The following GPR139 variants were observed in gnomAD, a reference collection of about 807,000 sequenced individuals.
GPR139 encodes probable G protein-coupled receptor 139.
A neutral mutation model predicts 25.8 loss-of-function variants in GPR139; 12 were observed. The observed-to-expected ratio is 0.47, with a 90% CI of 0.30 to 0.75. The LOEUF is 0.75. Ranked by LOEUF, GPR139 falls within the 30% of genes least tolerant of loss-of-function variation. The pLI, the probability that GPR139 is intolerant of heterozygous loss-of-function variation, is 0.07. For synonymous variants in GPR139, 184 were observed against 179.9 expected (o/e 1.02, Z -0.18); for missense variants, 380 against 450.2 (o/e 0.84, Z 1.41).
At chr16:20,064,762 T>C (rs954244455) in intron 1 of GPR139, among the ~76,000 whole-genome samples, 2 of 152,136 alleles carry the variant, frequency 1.3e-5, no homozygotes, top group African/African-American at 2.4e-5. Context: ...CAGAGCCCCA[T>C]TAACAGGAAA....
intron 1 of GPR139, among the ~76,000 whole-genome samples, chr16:20,072,865 C>T (rs2057464633): frequency 6.6e-6 from 1 of 152,206 alleles, no homozygotes; most frequent in African/African-American, 2.4e-5. Context: ...TGTGTCTCTG[C>T]ACCCTTGCCC....
intron 1 of GPR139, among the ~76,000 whole-genome samples, chr16:20,048,781 A>G (rs1038533094): frequency 6.6e-6 from 1 of 152,150 alleles, no homozygotes; most frequent in South Asian, 2.1e-4. Flanking sequence ...CTGCTTTACC[A>G]GCCAACATCC....
chr16:20,046,735 G>C (rs1365911304), intron 1 of GPR139, among the ~76,000 whole-genome samples: 2 of 152,254 alleles, frequency 1.3e-5, no homozygotes, highest in East Asian at 3.9e-4. Context: ...GAATGGTAGG[G>C]ACTGTGAGTA....
At position 20,031,566 on chromosome 16, in the gene GPR139, C is replaced by T; in HGVS notation, c.*169G>A. ...TAAGTAAAAACAAGCTTCATGCTCT[C>T]CTTTCTTCTCTTCCATCTCTTCTCA... On this transcript the variant is annotated 3_prime_UTR_variant, in exon 2 of 2. Coordinates refer to ENST00000570682, the MANE Select transcript of GPR139 (RefSeq NM_001002911.4). 1 of 621,828 alleles carries T rather than the reference C, an allele frequency of 1.6e-6. No homozygotes were observed. The highest frequency in any genetic ancestry group is 2.9e-6 in the Non-Finnish European group (1 of 347,994). The allele number at this position is 621,828 out of a possible 1,614,324, so 38.5% of individuals were successfully genotyped here.
At chr16:20,065,315 G>T (rs1242070385) in intron 1 of GPR139, among the ~76,000 whole-genome samples, 1 of 152,186 alleles carries the variant, frequency 6.6e-6, no homozygotes, top group Admixed American at 6.5e-5. Flanking sequence ...TAAACCACTG[G>T]CTGGAAAGCT....
intron 1 of GPR139, among the ~76,000 whole-genome samples, chr16:20,059,651 C>T (rs923420385): frequency 1.2e-4 from 18 of 152,208 alleles, no homozygotes; most frequent in African/African-American, 4.3e-4. Flanking sequence ...TGTCTCCTTG[C>T]TCATGCAGGG....
intron 1 of GPR139, among the ~76,000 whole-genome samples, 178 bp from the exon 2 acceptor site, chr16:20,032,847 A>G (rs1307064300): frequency 3.3e-5 from 5 of 152,252 alleles, no homozygotes; most frequent in Admixed American, 2.6e-4. Context: ...AGTGGATACT[A>G]TTTTAAAGTT....
At chr16:20,065,980 G>A (rs980946681) in intron 1 of GPR139, among the ~76,000 whole-genome samples, 1 of 152,022 alleles carries the variant, frequency 6.6e-6, no homozygotes, top group Admixed American at 6.6e-5. Context: ...ATTATTAAGA[G>A]AAATAGTTTG....
At chr16:20,036,695 T>C (rs1165990491) in intron 1 of GPR139, among the ~76,000 whole-genome samples, 1 of 152,176 alleles carries the variant, frequency 6.6e-6, no homozygotes, top group Non-Finnish European at 1.5e-5. Context: ...CCTCCTATGA[T>C]ACATGGGGAT....
rs116132511 is a variant in GPR139, at chr16:20,045,050, A to G, written c.128-12381T>C. ...AGTCTTGCTCTGTCGCTCAGGCTGG[A>G]GAGCAGTGGTGCAATCGCGGCTCGC... On this transcript the variant is annotated intron_variant, in intron 1 of 1. Coordinates refer to ENST00000570682, the MANE Select transcript of GPR139 (RefSeq NM_001002911.4). 4.1e-3 allele frequency among the ~76,000 whole-genome samples: 568 copies of G among 138,178 alleles called. 3 individuals carry two copies. The highest frequency in any genetic ancestry group is 0.015 in the African/African-American group (538 of 36,130). 90.7% of individuals were successfully genotyped at this position (138,178 alleles called of 152,430 possible). A position where few individuals can be genotyped will look rare whatever the true frequency, so the allele number is the denominator to read the frequency against.
intron 1 of GPR139, among the ~76,000 whole-genome samples, chr16:20,050,376 T>C (rs2057367833): frequency 6.6e-6 from 1 of 152,136 alleles, no homozygotes; most frequent in East Asian, 1.9e-4. Flanking sequence ...ACCGACTGCT[T>C]GTGGGGTGCA....
chr16:20,053,387 A>G (rs2057378883), intron 1 of GPR139, among the ~76,000 whole-genome samples: 5 of 152,104 alleles, frequency 3.3e-5, no homozygotes, highest in Admixed American at 3.3e-4. Flanking sequence ...CTGCCTGCCC[A>G]GGGTTTCCTT....
At chr16:20,036,334 C>T (rs1455256966) in intron 1 of GPR139, among the ~76,000 whole-genome samples, 1 of 152,190 alleles carries the variant, frequency 6.6e-6, no homozygotes, top group African/African-American at 2.4e-5. Context: ...GCTGTTATTA[C>T]CACCTTGACT....
In GPR139 at chr16:20,041,230, GGAGAGGAGAGGAGAGGAGAGGGAA is replaced by G. The variant is rs1567236025; in HGVS notation, c.128-8585_128-8562del. Reference sequence around the variant, plus strand: ...GGAGAGGAGAGGAGAGGAGAGGAGAGGAGAGGAGAGGAGAGGAGAGGGAAGGAGAAAAGAAAAGCATCTCTCTCT... The same window carrying G: ...GGAGAGGAGAGGAGAGGAGAGGAGAGGGAGAAAAGAAAAGCATCTCTCTCT... On this transcript the variant is annotated intron_variant, in intron 1 of 1. Transcript: ENST00000570682. Among the ~76,000 whole-genome samples, 35 of 5,502 alleles carry G rather than the reference GGAGAGGAGAGGAGAGGAGAGGGAA, an allele frequency of 6.4e-3. 2 individuals carry two copies. Among genetic ancestry groups the G allele is most frequent in the African/African-American group, 0.014 (21 of 1,496 alleles). 3.6% of individuals were successfully genotyped at this position (5,502 alleles called of 152,430 possible).
At chr16:20,041,159 AGGGGAGGGGAGGG>A (rs2057330428) in intron 1 of GPR139, among the ~76,000 whole-genome samples, 3 of 308 alleles carry the variant, frequency 9.7e-3, no homozygotes, top group East Asian at 0.036. Flanking sequence ...ACGAGAGGGG[AGGGGAGGGGAGGG>A]GAGGGGAGGG....
At position 20,031,956 on chromosome 16, in the gene GPR139, T is replaced by C. The variant is rs2057290761; in HGVS notation, c.841A>G (p.Asn281Asp). The C allele has an allele frequency of 6.2e-7, 1 of 1,614,192 alleles. No individual in the cohort carries two copies. Among genetic ancestry groups the C allele is most frequent in the African/African-American group, 1.3e-5 (1 of 75,026 alleles). ...CTGATGAAGCAGTAGAGGAAGAAGT[T>C]GATGGCTGTGTTCAGAAGGGCTAGC... ...NMLALLNTAI[N>D]FFLYCFISKR... is the part of the protein sequence containing the mutation. The change falls in exon 2 of 2, where the codon AAC becomes GAC. Residue 281 changes from asparagine to aspartate, a missense_variant. Coordinates refer to ENST00000570682, the MANE Select transcript of GPR139 (RefSeq NM_001002911.4).
intron 1 of GPR139, among the ~76,000 whole-genome samples, chr16:20,052,958 C>T (rs1322069795): frequency 6.6e-6 from 1 of 152,048 alleles, no homozygotes; most frequent in Non-Finnish European, 1.5e-5. Context: ...CCTATCAATC[C>T]ATCACCTAGG....
intron 1 of GPR139, among the ~76,000 whole-genome samples, chr16:20,045,537 T>C (rs2057351411): frequency 6.6e-6 from 1 of 152,188 alleles, no homozygotes; most frequent in African/African-American, 2.4e-5. Flanking sequence ...TAAATAGAAA[T>C]GGGCCAGTTG....
rs2057293163 is a variant in GPR139, at chr16:20,032,329, G to A, written c.468C>T (p.Cys156=). The A allele has an allele frequency of 1.2e-6, 2 of 1,614,220 alleles. No homozygotes were observed. The highest frequency in any genetic ancestry group is 2.2e-5 in the East Asian group (1 of 44,886). The part of the protein sequence containing the change: ...RKVIVSVYIT[C]FLTSIPYYWW... ...AGTAATAGGGGATGCTGGTCAGGAAGCAGGTGATGTAAACACTTACAATGA... is the reference window on the plus strand; with the variant it reads ...AGTAATAGGGGATGCTGGTCAGGAAACAGGTGATGTAAACACTTACAATGA... The change falls in exon 2 of 2, where the codon TGC becomes TGT. Residue 156 remains cysteine, a synonymous_variant. Transcript: ENST00000570682.
Sources: allele counts gnomAD v4.1 joint callset (sites outside exome capture counted in the v4.1 genomes callset), GRCh38; gene constraint gnomAD v4.1.1; transcripts MANE v1.5; gene names NCBI Gene and HGNC (gene_info 2026-07-23, HGNC 2026-07-21).